Variants in UBL3 observed in about 807,000 individuals in gnomAD.
UBL3 encodes the protein ubiquitin like 3.
Under a neutral mutation model 18.4 loss-of-function variants are expected in UBL3, and 6 were observed. That is an observed-to-expected ratio of 0.33 (90% CI 0.18 to 0.64). UBL3 has a LOEUF of 0.64. UBL3 is among the 30% of genes least tolerant of loss of function. The probability of loss-of-function intolerance (pLI) is 0.76; values close to 1 mark genes in which losing one functional copy is unlikely to be tolerated. For synonymous variants in UBL3, 49 were observed against 46.6 expected (o/e 1.05, Z -0.21); for missense variants, 109 against 142.9 (o/e 0.76, Z 1.21).
At chr13:29,782,821 A>C (rs1877212424) in intron 1 of UBL3, among the ~76,000 whole-genome samples, 1 of 152,256 alleles carries the variant, frequency 6.6e-6, no homozygotes, top group East Asian at 1.9e-4. Flanking sequence ...CAAGTCTTAT[A>C]GCAAAACTGC....
chr13:29,821,650 C>T (rs748538112), intron 1 of UBL3, among the ~76,000 whole-genome samples: 4 of 152,182 alleles, frequency 2.6e-5, no homozygotes, highest in Non-Finnish European at 5.9e-5. Flanking sequence ...TTATTCATTA[C>T]ATACGTACTC....
chr13:29,828,971 C>T lies in UBL3; in HGVS notation c.27+20541G>A, dbSNP rs993668500. Among the ~76,000 whole-genome samples the T allele has an allele frequency of 4.6e-5, 7 of 152,210 alleles. No homozygotes were observed. In the South Asian group the frequency reaches 6.2e-4, roughly 14 times the overall value. On this transcript the variant is annotated intron_variant, in intron 1 of 4. Coordinates refer to ENST00000380680, the MANE Select transcript of UBL3 (RefSeq NM_007106.4). ...ACCCTGTTTGCCTGGGTATCAGCAG[C>T]GGAGGCTGCAGAACAGCGAATATTG...
intron 1 of UBL3, among the ~76,000 whole-genome samples, chr13:29,788,838 A>AGTGTGTGTGTGT (rs58898742): frequency 6.5e-5 from 9 of 138,240 alleles, no homozygotes; most frequent in African/African-American, 2.4e-4. Context: ...TTAATGGGGA[A>AGTGTGTGTGTGT]GTGTGTGTGT....
At chr13:29,820,601 T>C (rs939921752) in intron 1 of UBL3, among the ~76,000 whole-genome samples, 1 of 152,184 alleles carries the variant, frequency 6.6e-6, no homozygotes, top group East Asian at 1.9e-4. Context: ...GTATTAAACA[T>C]TTAAAAACTA....
chr13:29,780,157 A>G (rs1251395813), intron 1 of UBL3, among the ~76,000 whole-genome samples: 1 of 151,586 alleles, frequency 6.6e-6, no homozygotes, highest in Non-Finnish European at 1.5e-5. Flanking sequence ...GATCGAGACC[A>G]TCCTGGCTAA....
intron 1 of UBL3, among the ~76,000 whole-genome samples, chr13:29,784,407 T>C (rs554538143): frequency 7.4e-4 from 7 of 9,402 alleles, no homozygotes; most frequent in Non-Finnish European, 6.5e-3. Flanking sequence ...AAAATGAGTA[T>C]TGGGATACTC....
chr13:29,801,795 G>C (rs1255007919), intron 1 of UBL3, among the ~76,000 whole-genome samples: 1 of 152,176 alleles, frequency 6.6e-6, no homozygotes, highest in Non-Finnish European at 1.5e-5. Context: ...AGGGTTCCCT[G>C]GCTTGAGCCC....
At position 29,817,538 on chromosome 13, in the gene UBL3, G is replaced by C. The variant is rs1328474148; in HGVS notation, c.27+31974C>G. On this transcript the variant is annotated intron_variant, in intron 1 of 4. Coordinates refer to ENST00000380680, the MANE Select transcript of UBL3 (RefSeq NM_007106.4). ...GGGAGGAACAGGAAAGAGACCAGAG[G>C]CAAAATAGCTGAAATGTATTAGAAA... Among the ~76,000 whole-genome samples the C allele has an allele frequency of 2.6e-5, 4 of 152,254 alleles. No individual in the cohort carries two copies. The East Asian group carries it at 7.7e-4, about 29-fold the overall frequency.
At chr13:29,780,082 C>T (rs376428770) in intron 1 of UBL3, among the ~76,000 whole-genome samples, 33 of 152,032 alleles carry the variant, frequency 2.2e-4, no homozygotes, top group Middle Eastern at 3.4e-3. Context: ...AAACCAGGCG[C>T]GGTGGCTCAC....
chr13:29,796,329 C>A (rs1877612914), intron 1 of UBL3, among the ~76,000 whole-genome samples: 2 of 152,008 alleles, frequency 1.3e-5, no homozygotes. Flanking sequence ...TAAGTTTTTA[C>A]TTAACTTACA....
At chr13:29,799,966 A>G (rs962334606) in intron 1 of UBL3, among the ~76,000 whole-genome samples, 11 of 152,182 alleles carry the variant, frequency 7.2e-5, no homozygotes, top group African/African-American at 2.7e-4. Context: ...AAAAAAGTCA[A>G]AGTATTTTAT....
chr13:29,788,863 GTGTGTGTGCGCGCGCGCGCGC>G, intron 1 of UBL3, among the ~76,000 whole-genome samples: 1 of 6,938 alleles, frequency 1.4e-4, no homozygotes, highest in African/African-American at 1.9e-4. Context: ...GTGTGTGTGT[GTGTGTGTGCGCGCGCGCGCGC>G]ACGCGCACGT....
intron 1 of UBL3, among the ~76,000 whole-genome samples, chr13:29,816,754 CA>C (rs57272367): frequency 6.0e-3 from 257 of 42,608 alleles, no homozygotes; most frequent in East Asian, 0.016. Context: ...GACCCTGTCT[CA>C]AAAAAAAAAA....
At chr13:29,828,185 T>C (rs1246708025) in intron 1 of UBL3, among the ~76,000 whole-genome samples, 1 of 152,156 alleles carries the variant, frequency 6.6e-6, no homozygotes, top group Non-Finnish European at 1.5e-5. Flanking sequence ...AGGAGTATCT[T>C]TGTGGCATCC....
intron 1 of UBL3, among the ~76,000 whole-genome samples, chr13:29,781,308 G>A (rs1296235007): frequency 6.6e-6 from 1 of 152,142 alleles, no homozygotes; most frequent in Admixed American, 6.5e-5. Context: ...AAGTCTTGAA[G>A]GATATGTACC....
intron 1 of UBL3, among the ~76,000 whole-genome samples, chr13:29,828,828 G>T (rs914697221): frequency 6.6e-6 from 1 of 152,118 alleles, no homozygotes; most frequent in Non-Finnish European, 1.5e-5. Context: ...GGTCTTTGAC[G>T]ATGGTGACGT....
At chr13:29,782,564 T>C (rs1383486815) in intron 1 of UBL3, among the ~76,000 whole-genome samples, 2 of 152,118 alleles carry the variant, frequency 1.3e-5, no homozygotes, top group Non-Finnish European at 2.9e-5. Context: ...ACCCTACTAC[T>C]CCCTCCTTAC....
intron 1 of UBL3, among the ~76,000 whole-genome samples, chr13:29,828,313 C>T (rs1434358443): frequency 6.6e-6 from 1 of 152,196 alleles, no homozygotes; most frequent in Non-Finnish European, 1.5e-5. Flanking sequence ...CTTTCAGGTA[C>T]ACCAATCAGA....
At chr13:29,835,118 AT>A (rs1878902853) in intron 1 of UBL3, among the ~76,000 whole-genome samples, 7 of 26,278 alleles carry the variant, frequency 2.7e-4, no homozygotes, top group South Asian at 1.3e-3. Flanking sequence ...ATATATATAT[AT>A]ATATAAATAT....
Sources: gnomAD v4.1 joint callset for allele counts (sites outside exome capture counted in the v4.1 genomes callset) on GRCh38, gnomAD v4.1.1 for gene constraint, MANE v1.5 for transcripts, NCBI Gene and HGNC (gene_info 2026-07-23, HGNC 2026-07-21) for gene names.